The following NTNG2 variants were observed in gnomAD, a reference collection of about 807,000 sequenced individuals.
The protein encoded by NTNG2 is netrin G2, also known as netrin-G2.
In NTNG2, 15 loss-of-function variants were observed where a neutral mutation model predicts 47.6. The observed-to-expected ratio is 0.32, with a 90% CI of 0.21 to 0.49. The LOEUF is 0.49. NTNG2 is among the 20% of genes least tolerant of loss of function. NTNG2 has a pLI of 0.99. For synonymous variants in NTNG2, 307 were observed against 324.6 expected, an observed-to-expected ratio of 0.95 and a Z score of 0.58; for missense variants, 578 against 764.6, an observed-to-expected ratio of 0.76 and a Z score of 2.88.
chr9:132,186,820 G>C (rs922094937), intron 2 of NTNG2, among the ~76,000 whole-genome samples: 1 of 152,234 alleles, frequency 6.6e-6, no homozygotes, highest in Non-Finnish European at 1.5e-5. Flanking sequence ...CACTGCAGAG[G>C]GTCCTCGCTC....
chr9:132,192,427 C>A (rs956740572), intron 2 of NTNG2, among the ~76,000 whole-genome samples: 4 of 152,148 alleles, frequency 2.6e-5, no homozygotes, highest in Non-Finnish European at 5.9e-5. Context: ...CCTGTCTCTA[C>A]TAAAAATACA....
At chr9:132,241,401 C>T in intron 7 of NTNG2, 1 of 355,096 alleles carries the variant, frequency 2.8e-6, no homozygotes. Context: ...GGGGCCGGGC[C>T]GAGGGGCGGG....
chr9:132,190,160 G>A (rs1424839571), intron 2 of NTNG2, among the ~76,000 whole-genome samples: 1 of 146,884 alleles, frequency 6.8e-6, no homozygotes, highest in African/African-American at 2.5e-5. Flanking sequence ...GTGAACCCGG[G>A]AGGCAGAGCT....
At chr9:132,234,478 A>T (rs1344379762) in intron 5 of NTNG2, among the ~76,000 whole-genome samples, 4 of 151,872 alleles carry the variant, frequency 2.6e-5, no homozygotes, top group Admixed American at 2.0e-4. Context: ...CCAAGCCAGG[A>T]CTCTCTCCCT....
intron 5 of NTNG2, chr9:132,233,840 G>T (rs1489125230): frequency 6.6e-6 from 1 of 152,164 alleles, no homozygotes; most frequent in Non-Finnish European, 1.5e-5. Flanking sequence ...GGCTTAGGAA[G>T]AAGCAGCTGG....
At chr9:132,187,070 C>T (rs1323189865) in intron 2 of NTNG2, among the ~76,000 whole-genome samples, 1 of 152,234 alleles carries the variant, frequency 6.6e-6, no homozygotes, top group Non-Finnish European at 1.5e-5. Context: ...TTTTCTGGGT[C>T]TCCTTTTGAG....
intron 2 of NTNG2, among the ~76,000 whole-genome samples, chr9:132,187,222 C>T (rs1217318710): frequency 6.6e-6 from 1 of 152,218 alleles, no homozygotes; most frequent in Non-Finnish European, 1.5e-5. Context: ...ACAAGCGAGT[C>T]CCTGGGGAGG....
At chr9:132,165,917 A>C (rs987977995) in intron 1 of NTNG2, 2 of 152,134 alleles carry the variant, frequency 1.3e-5, no homozygotes, top group Non-Finnish European at 2.9e-5. Flanking sequence ...TTTTTTGCAC[A>C]TTTTGCCGGA....
chr9:132,232,632 C>T (rs1221015508), intron 5 of NTNG2: 5 of 152,366 alleles, frequency 3.3e-5, no homozygotes, highest in East Asian at 1.9e-4. Flanking sequence ...ACCAGGAAGA[C>T]GATGACCAAG....
rs1485978686 is a variant in NTNG2 at position 132,163,469 on chromosome 9, C to A, written c.-484+1230C>A. Among the ~76,000 whole-genome samples, 1 of 152,004 alleles carries A rather than the reference C, an allele frequency of 6.6e-6. No homozygotes were observed. Among genetic ancestry groups the A allele is most frequent in the Non-Finnish European group, 1.5e-5 (1 of 67,922 alleles). Reference sequence around the variant, plus strand: ...CGCCGAGGCTACAGTGAGCGCGGGGCGCCCGCTGGACCCCGCCCGGGGCAG... The same window carrying A: ...CGCCGAGGCTACAGTGAGCGCGGGGAGCCCGCTGGACCCCGCCCGGGGCAG... On this transcript the variant is annotated intron_variant, in intron 1 of 7. Coordinates refer to ENST00000393229, the MANE Select transcript of NTNG2 (RefSeq NM_032536.4). This position sits in a 1 kb window ranked among gnomAD's most constrained non-coding sequence, Gnocchi z 7.2.
chr9:132,209,929 C>T (rs531468992), intron 3 of NTNG2, among the ~76,000 whole-genome samples: 4 of 150,172 alleles, frequency 2.7e-5, no homozygotes, highest in Non-Finnish European at 4.4e-5. Context: ...GCGGGAGGGA[C>T]GCTGGGGACA....
chr9:132,226,871 A>C lies in NTNG2; in HGVS notation c.880A>C (p.Asn294His). 1 of 1,609,194 alleles carries C rather than the reference A, an allele frequency of 6.2e-7. No individual in the cohort carries two copies. Among genetic ancestry groups the C allele is most frequent in the Non-Finnish European group, 8.5e-7 (1 of 1,177,910 alleles). ...CAGGTGCAAGTGCAACCTGCACGCC[A>C]ACCTGTGCTCCATGCGCGAGGGCAG... ...IGRCKCNLHA[N>H]LCSMREGSLQ... Residue 294 changes from asparagine to histidine, a missense_variant, in exon 4 of 8, where the codon AAC becomes CAC. Asn to His is a moderately conservative substitution (Grantham distance 68, BLOSUM62 1). Coordinates refer to ENST00000393229, the MANE Select transcript of NTNG2 (RefSeq NM_032536.4). This position sits in a 1 kb window ranked among gnomAD's most constrained non-coding sequence, Gnocchi z 4.8.
intron 3 of NTNG2, among the ~76,000 whole-genome samples, chr9:132,201,204 G>A (rs1038558670): frequency 6.6e-6 from 1 of 152,222 alleles, no homozygotes; most frequent in Admixed American, 6.5e-5. Flanking sequence ...GGTGACCTGG[G>A]GTTCAAACCC....
rs1175099701 is a variant in NTNG2 at position 132,243,492 on chromosome 9, T to A, written c.*1381T>A. 2.6e-5 allele frequency: 4 copies of A among 152,458 alleles called. No individual in the cohort carries two copies. The highest frequency in any genetic ancestry group is 5.9e-5 in the Non-Finnish European group (4 of 68,174). 9.4% of individuals were successfully genotyped at this position (152,458 alleles called of 1,614,324 possible). On this transcript the variant is annotated 3_prime_UTR_variant, in exon 8 of 8. Transcript: ENST00000393229. ...GCCTCTGATTCAGAGGATCCAGCAG[T>A]TCTCCCATCTCCGCTTGGTGTCTCC...
intron 5 of NTNG2, among the ~76,000 whole-genome samples, chr9:132,234,947 C>T (rs1201042492): frequency 6.6e-6 from 1 of 152,374 alleles, no homozygotes; most frequent in East Asian, 1.9e-4. Context: ...AAAACAGCAG[C>T]GCTCCCCTGT....
At position 132,241,831 on chromosome 9, in the gene NTNG2, G is replaced by T. The variant is rs1468662341; in HGVS notation, c.1358-45G>T. ...TTCGCAGGAGCTCGGAGGTTGGCGG[G>T]GGGACCGGGCCACCCCCCGTGCTGA... On this transcript the variant is annotated intron_variant, in intron 7 of 7. Coordinates refer to ENST00000393229, the MANE Select transcript of NTNG2 (RefSeq NM_032536.4). 10 of 1,407,728 alleles carry T rather than the reference G, an allele frequency of 7.1e-6. No individual in the cohort carries two copies. The East Asian group carries it at 2.8e-4, about 40-fold the overall frequency. 87.2% of individuals were successfully genotyped at this position (1,407,728 alleles called of 1,614,324 possible).
In NTNG2 at chr9:132,213,345, A is replaced by G. The variant is rs1244971066; in HGVS notation, c.858-13504A>G. On this transcript the variant is annotated intron_variant, in intron 3 of 7. Coordinates refer to ENST00000393229, the MANE Select transcript of NTNG2 (RefSeq NM_032536.4). Reference sequence around the variant, plus strand: ...AGACTCCATCTCAAAAAAAAAAAAAAAAAAAAAAAAAAAAAAGAAGGACTT... The same window carrying G: ...AGACTCCATCTCAAAAAAAAAAAAAGAAAAAAAAAAAAAAAAGAAGGACTT... Among the ~76,000 whole-genome samples, 42 of 28,354 alleles carry G rather than the reference A, an allele frequency of 1.5e-3. No homozygotes were observed. The African/African-American group carries it at 0.042, about 28-fold the overall frequency. The allele number at this position is 28,354 out of a possible 152,430, so 18.6% of individuals were successfully genotyped here. A position where few individuals can be genotyped will look rare whatever the true frequency, so the allele number is the denominator to read the frequency against.
At position 132,162,535 on chromosome 9, in the gene NTNG2, A is replaced by AGG. The variant is rs1554775799; in HGVS notation, c.-484+297_-484+298insGG. The stretch of plus-strand genomic sequence containing the variant: ...GGGTCCTTTCCGTCGTGTGTGTGAG[A>AGG]GTGTGTGTGTGTGTGTGTGTGAGAG... On this transcript the variant is annotated intron_variant, in intron 1 of 7. Transcript: ENST00000393229. This position sits in a 1 kb window ranked among gnomAD's most constrained non-coding sequence, Gnocchi z 4.6. Among the ~76,000 whole-genome samples, 1 of 78,236 alleles carries AGG rather than the reference A, an allele frequency of 1.3e-5. No homozygotes were observed. The highest frequency in any genetic ancestry group is 2.6e-5 in the Non-Finnish European group (1 of 37,788). The allele number at this position is 78,236 out of a possible 152,430, so 51.3% of individuals were successfully genotyped here. A position where few individuals can be genotyped will look rare whatever the true frequency, so the allele number is the denominator to read the frequency against.
chr9:132,214,038 G>A, intron 3 of NTNG2, among the ~76,000 whole-genome samples: 1 of 152,166 alleles, frequency 6.6e-6, no homozygotes, highest in South Asian at 2.1e-4. Flanking sequence ...ATCCCCGTGG[G>A]GCTTTGCCTT....
Sources: allele counts gnomAD v4.1 joint callset (sites outside exome capture counted in the v4.1 genomes callset), GRCh38; gene constraint gnomAD v4.1.1; non-coding constraint Gnocchi (gnomAD v3.1); transcripts MANE v1.5; gene names NCBI Gene and HGNC (gene_info 2026-07-23, HGNC 2026-07-21).